MYT1L: variants seen among roughly 807,000 people sequenced by gnomAD.
The protein encoded by MYT1L is myelin transcription factor 1 like.
MYT1L carries 12 observed loss-of-function variants against 126.7 expected under a neutral mutation model. The observed-to-expected ratio is 0.09, with a 90% CI of 0.06 to 0.15. The LOEUF is 0.15. MYT1L is among the 10% of genes least tolerant of loss of function. The pLI is 1.00. For synonymous variants in MYT1L, 541 were observed against 604.2 expected (o/e 0.90, Z 1.53); for missense variants, 979 against 1,585.2 (o/e 0.62, Z 6.49).
At chr2:1,962,370 T>A (rs769234722) in intron 8 of MYT1L, among the ~76,000 whole-genome samples, 65 of 152,182 alleles carry the variant, frequency 4.3e-4, no homozygotes, top group Non-Finnish European at 7.5e-4. Context: ...TACCTTAATT[T>A]AAAAATATTT....
At chr2:1,830,686 G>T (rs565417672) in intron 21 of MYT1L, among the ~76,000 whole-genome samples, 1 of 152,294 alleles carries the variant, frequency 6.6e-6, no homozygotes, top group East Asian at 1.9e-4. Context: ...GGGATGGCTA[G>T]GAGGAGATGC....
chr2:1,889,496 A>G lies in MYT1L; in HGVS notation c.2284-19T>C. ...CAGGGTTCTGTCGGTAGAAAGACAT[A>G]GTGACTGTGCTTGGCCCGGCATCTT... is the stretch of plus-strand genomic sequence containing the variant. On this transcript the variant is annotated intron_variant, in intron 15 of 24. Transcript: ENST00000647738. This position sits in a 1 kb window ranked among gnomAD's most constrained non-coding sequence, Gnocchi z 4.1. The G allele has an allele frequency of 6.4e-7, 1 of 1,567,416 alleles. No individual in the cohort carries two copies. Among genetic ancestry groups the G allele is most frequent in the Non-Finnish European group, 8.7e-7 (1 of 1,152,596 alleles).
chr2:1,893,304 A>G (rs1181795435), intron 14 of MYT1L, among the ~76,000 whole-genome samples: 1 of 152,210 alleles, frequency 6.6e-6, no homozygotes, highest in Non-Finnish European at 1.5e-5. Context: ...GCATGGCCAG[A>G]CATTTCTCTT....
chr2:1,827,327 G>GA (rs1476125992), intron 21 of MYT1L: 1 of 152,226 alleles, frequency 6.6e-6, no homozygotes, highest in Non-Finnish European at 1.5e-5. Flanking sequence ...ATCACAGAGG[G>GA]ACCCAGAGCT....
At chr2:2,022,840 G>C (rs1013741897) in intron 4 of MYT1L, among the ~76,000 whole-genome samples, 1 of 152,236 alleles carries the variant, frequency 6.6e-6, no homozygotes, top group Non-Finnish European at 1.5e-5. Flanking sequence ...TGGAAGGCGG[G>C]TCACCTGCCT....
intron 19 of MYT1L, among the ~76,000 whole-genome samples, chr2:1,844,924 T>C (rs2042291506): frequency 6.6e-6 from 1 of 151,794 alleles, no homozygotes; most frequent in Admixed American, 6.6e-5. Context: ...AGCTCCATGC[T>C]CTGCTCAGGG....
chr2:2,319,937 T>A lies in MYT1L; in HGVS notation c.-521+11030A>T, dbSNP rs146408332. Among the ~76,000 whole-genome samples the A allele has an allele frequency of 9.3e-4, 142 of 152,248 alleles. 1 individual carries two copies. The highest frequency in any genetic ancestry group is 3.3e-3 in the African/African-American group (137 of 41,538). On this transcript the variant is annotated intron_variant, in intron 1 of 24. Transcript: ENST00000647738. ...TGGCACTAAGAGGGAAGGGAGGTGCTGACCTTAAGGGGTCTCGCCTTTTCT... is the reference window on the plus strand; with the variant it reads ...TGGCACTAAGAGGGAAGGGAGGTGCAGACCTTAAGGGGTCTCGCCTTTTCT...
intron 5 of MYT1L, among the ~76,000 whole-genome samples, chr2:1,990,439 C>T (rs753546573): frequency 2.0e-5 from 3 of 152,202 alleles, no homozygotes; most frequent in Non-Finnish European, 4.4e-5. Context: ...AAGACAGATA[C>T]TCAAGCACCA....
intron 4 of MYT1L, among the ~76,000 whole-genome samples, chr2:2,029,063 A>T (rs1052400772): frequency 6.6e-6 from 1 of 152,222 alleles, no homozygotes; most frequent in African/African-American, 2.4e-5. Flanking sequence ...AGAACTTTTT[A>T]AAAAGCTTCA....
At chr2:2,254,917 T>A (rs2094764683) in intron 2 of MYT1L, among the ~76,000 whole-genome samples, 1 of 152,218 alleles carries the variant, frequency 6.6e-6, no homozygotes, top group Non-Finnish European at 1.5e-5. Context: ...ATGATCTATA[T>A]TTTTTCTCGA....
At position 1,922,028 on chromosome 2, in the gene MYT1L, A is replaced by C. The variant is rs2149101904; in HGVS notation, c.1483+258T>G. The stretch of plus-strand genomic sequence containing the variant: ...TGCTTTACCCCTGTCTTCCCAAGGA[A>C]TGCATTTCCCACTGAAATATCCTAC... On this transcript the variant is annotated intron_variant, in intron 10 of 24. Coordinates refer to ENST00000647738, the MANE Select transcript of MYT1L (RefSeq NM_001303052.2). The surrounding 1 kb of genome is among the most constrained non-coding windows in gnomAD (Gnocchi z 7.4). Among the ~76,000 whole-genome samples, 2 of 152,344 alleles carry C rather than the reference A, an allele frequency of 1.3e-5. No homozygotes were observed. Among genetic ancestry groups the C allele is most frequent in the East Asian group, 3.9e-4 (2 of 5,190 alleles).
intron 3 of MYT1L, among the ~76,000 whole-genome samples, chr2:2,100,780 A>C (rs907476824): frequency 1.3e-5 from 2 of 152,192 alleles, no homozygotes; most frequent in Non-Finnish European, 2.9e-5. Flanking sequence ...TGGTCTCCTT[A>C]ATAAAATTTG....
intron 9 of MYT1L, among the ~76,000 whole-genome samples, chr2:1,939,808 C>A (rs1191422484): frequency 6.6e-6 from 1 of 152,228 alleles, no homozygotes. Flanking sequence ...GGAGTACCTG[C>A]AGGTGACGTT....
At chr2:2,090,481 AGCCTTCAG>A (rs1262877708) in intron 3 of MYT1L, among the ~76,000 whole-genome samples, 1 of 152,208 alleles carries the variant, frequency 6.6e-6, no homozygotes. Flanking sequence ...GGATCACTTG[AGCCTTCAG>A]GGAGTTGTCA....
At chr2:1,854,568 C>A (rs1359882989) in intron 18 of MYT1L, among the ~76,000 whole-genome samples, 1 of 152,096 alleles carries the variant, frequency 6.6e-6, no homozygotes, top group African/African-American at 2.4e-5. Flanking sequence ...TTAAAATGTC[C>A]TTTTTCATCA....
chr2:1,994,436 T>C (rs902229834), intron 5 of MYT1L, among the ~76,000 whole-genome samples: 18 of 151,990 alleles, frequency 1.2e-4, no homozygotes, highest in Non-Finnish European at 2.5e-4. Flanking sequence ...CCCTGCCCCC[T>C]CCTCCCAGCG....
At chr2:2,106,722 C>A (rs888500275) in intron 3 of MYT1L, among the ~76,000 whole-genome samples, 12 of 152,244 alleles carry the variant, frequency 7.9e-5, no homozygotes, top group Non-Finnish European at 1.6e-4. Flanking sequence ...CACAAGCATT[C>A]AGGACATGTC....
intron 18 of MYT1L, among the ~76,000 whole-genome samples, chr2:1,860,138 C>T (rs1558783741): frequency 6.6e-6 from 1 of 152,238 alleles, no homozygotes; most frequent in Non-Finnish European, 1.5e-5. Context: ...GCAATAGGCT[C>T]CTGTCCAGTG....
chr2:2,177,778 C>A (rs931645633), intron 2 of MYT1L, among the ~76,000 whole-genome samples: 1 of 152,294 alleles, frequency 6.6e-6, no homozygotes, highest in East Asian at 1.9e-4. Flanking sequence ...ACCACCCCCA[C>A]GATCCAATCA....
Sources: gnomAD v4.1 joint callset for allele counts (sites outside exome capture counted in the v4.1 genomes callset) on GRCh38, gnomAD v4.1.1 for gene constraint, Gnocchi (gnomAD v3.1) non-coding constraint, MANE v1.5 for transcripts, NCBI Gene and HGNC (gene_info 2026-07-23, HGNC 2026-07-21) for gene names.